The following VEPH1 variants were observed in gnomAD, a reference collection of about 807,000 sequenced individuals.
VEPH1 encodes the protein ventricular zone expressed PH domain containing 1, also known as ventricular zone-expressed PH domain-containing protein homolog 1.
Under a neutral mutation model 85.2 loss-of-function variants are expected in VEPH1, and 80 were observed. The observed-to-expected ratio is 0.94, with a 90% CI of 0.78 to 1.13. VEPH1 has a LOEUF of 1.13. Ranked by LOEUF, VEPH1 falls within the 50% of genes most tolerant of loss-of-function variation. The pLI is 0.00. For missense variants in VEPH1, 955 were observed against 980.5 expected, an observed-to-expected ratio of 0.97 and a Z score of 0.35; for synonymous variants, 297 against 348.0, an observed-to-expected ratio of 0.85 and a Z score of 1.63.
At chr3:157,281,345 A>G (rs1464475714) in intron 12 of VEPH1, among the ~76,000 whole-genome samples, 2 of 152,180 alleles carry the variant, frequency 1.3e-5, no homozygotes, top group African/African-American at 2.4e-5. Flanking sequence ...CTGAGGTTCA[A>G]TTTTACATAA....
intron 9 of VEPH1, among the ~76,000 whole-genome samples, chr3:157,317,611 G>T (rs1212470442): frequency 6.6e-6 from 1 of 152,204 alleles, no homozygotes; most frequent in African/African-American, 2.4e-5. Flanking sequence ...CTGTTCTCTT[G>T]GTTGTGCAGG....
intron 12 of VEPH1, 142 bp from the exon 13 acceptor site, chr3:157,265,804 C>T (rs79203359): frequency 2.5e-6 from 2 of 815,864 alleles, no homozygotes; most frequent in Non-Finnish European, 1.8e-6. Context: ...TTTGGTTAAC[C>T]TTTCCTCCTT....
At chr3:157,265,978 T>A in intron 12 of VEPH1, among the ~76,000 whole-genome samples, 1 of 150,754 alleles carries the variant, frequency 6.6e-6, no homozygotes, top group Non-Finnish European at 1.5e-5. Flanking sequence ...TGTTTCATAG[T>A]GTTCTGTTTC....
At chr3:157,477,612 G>T (rs1056284018) in intron 2 of VEPH1, among the ~76,000 whole-genome samples, 1 of 152,078 alleles carries the variant, frequency 6.6e-6, no homozygotes, top group African/African-American at 2.4e-5. Flanking sequence ...CCATGTTAAT[G>T]CCCATGAGAG....
At chr3:157,460,768 T>A (rs1186153237) in intron 3 of VEPH1, among the ~76,000 whole-genome samples, 2 of 152,170 alleles carry the variant, frequency 1.3e-5, no homozygotes, top group East Asian at 3.9e-4. Flanking sequence ...ATGCAGAGAC[T>A]GAGGTGAGGG....
chr3:157,500,976 C>G (rs374393746), intron 1 of VEPH1, among the ~76,000 whole-genome samples: 1 of 152,118 alleles, frequency 6.6e-6, no homozygotes, highest in African/African-American at 2.4e-5. Context: ...AAACATTTAA[C>G]ACAGAGCCTG....
At chr3:157,371,113 T>A (rs749511240) in intron 7 of VEPH1, among the ~76,000 whole-genome samples, 12 of 152,212 alleles carry the variant, frequency 7.9e-5, no homozygotes, top group Non-Finnish European at 1.5e-4. Context: ...GTGTTACCAA[T>A]CCTAGAAGAT....
rs377133116 is a variant in VEPH1 at position 157,287,098 on chromosome 3, C to T, written c.2011-424G>A. ...ATATCAAAAAATATTATTGGCCGGGCGTGGTGGGTCATGCCTGTAATCCCA... is the reference window on the plus strand; with the variant it reads ...ATATCAAAAAATATTATTGGCCGGGTGTGGTGGGTCATGCCTGTAATCCCA... On this transcript the variant is annotated intron_variant, in intron 11 of 13. Transcript: ENST00000362010. Among the ~76,000 whole-genome samples the T allele has an allele frequency of 4.6e-4, 70 of 152,206 alleles. No homozygotes were observed. In the East Asian group the frequency reaches 0.013, roughly 28 times the overall value.
At chr3:157,290,862 G>C (rs970729278) in intron 11 of VEPH1, among the ~76,000 whole-genome samples, 1 of 152,184 alleles carries the variant, frequency 6.6e-6, no homozygotes, top group Non-Finnish European at 1.5e-5. Flanking sequence ...TCTATAATAA[G>C]TCTAAGCCAG....
intron 7 of VEPH1, among the ~76,000 whole-genome samples, chr3:157,371,035 A>C (rs570812316): frequency 6.6e-6 from 1 of 152,246 alleles, no homozygotes; most frequent in Non-Finnish European, 1.5e-5. Context: ...AATTCAAGGC[A>C]TGGTAAAACC....
At chr3:157,343,882 TC>T (rs1402708237) in intron 9 of VEPH1, among the ~76,000 whole-genome samples, 1 of 152,024 alleles carries the variant, frequency 6.6e-6, no homozygotes, top group African/African-American at 2.4e-5. Flanking sequence ...CATACGCAAA[TC>T]AATAAATGTA....
At position 157,474,601 on chromosome 3, in the gene VEPH1, C is replaced by A. The variant is rs78714187; in HGVS notation, c.139-4072G>T. On this transcript the variant is annotated intron_variant, in intron 2 of 13. Transcript: ENST00000362010. ...AGAGTATACAGAAGTCCTTGATCATCGTCTGGGTCCAAACCATTTTATCAT... is the reference window on the plus strand; with the variant it reads ...AGAGTATACAGAAGTCCTTGATCATAGTCTGGGTCCAAACCATTTTATCAT... Among the ~76,000 whole-genome samples the A allele has an allele frequency of 4.9e-3, 743 of 152,182 alleles. 7 individuals are homozygous for A. Among genetic ancestry groups the A allele is most frequent in the African/African-American group, 0.017 (707 of 41,514 alleles).
At chr3:157,314,436 A>G (rs1170474765) in intron 10 of VEPH1, among the ~76,000 whole-genome samples, 3 of 151,428 alleles carry the variant, frequency 2.0e-5, no homozygotes, top group Admixed American at 6.6e-5. Context: ...AAATTATTTC[A>G]TAGTATTTTC....
chr3:157,296,312 T>C (rs1718135575), intron 11 of VEPH1, among the ~76,000 whole-genome samples: 1 of 152,254 alleles, frequency 6.6e-6, no homozygotes, highest in South Asian at 2.1e-4. Flanking sequence ...TATGAGCTAT[T>C]TCATAATTTG....
At chr3:157,370,335 T>C (rs1310634243) in intron 7 of VEPH1, among the ~76,000 whole-genome samples, 2 of 152,172 alleles carry the variant, frequency 1.3e-5, no homozygotes, top group Non-Finnish European at 2.9e-5. Context: ...AGAAAAATAA[T>C]ATTAGTTAAT....
chr3:157,393,632 T>C (rs1730090623), intron 6 of VEPH1, among the ~76,000 whole-genome samples: 1 of 152,166 alleles, frequency 6.6e-6, no homozygotes, highest in Non-Finnish European at 1.5e-5. Context: ...TTATGGAATA[T>C]ATGCTACATA....
chr3:157,459,842 G>T (rs904496310), intron 4 of VEPH1: 1 of 1,526,082 alleles, frequency 6.6e-7, no homozygotes, highest in Non-Finnish European at 8.8e-7. Context: ...ACTGAGTGAC[G>T]TGTTCCACTC....
chr3:157,409,321 C>T (rs2109014316), intron 6 of VEPH1, among the ~76,000 whole-genome samples: 1 of 152,212 alleles, frequency 6.6e-6, no homozygotes, highest in Non-Finnish European at 1.5e-5. Flanking sequence ...GAATTTACTT[C>T]AACTGAGCAT....
At chr3:157,384,479 TA>T (rs1430129784) in intron 6 of VEPH1, among the ~76,000 whole-genome samples, 1 of 152,212 alleles carries the variant, frequency 6.6e-6, no homozygotes, top group African/African-American at 2.4e-5. Flanking sequence ...GCTTATGCAA[TA>T]AGTGTCCCCA....
Sources: gnomAD v4.1 joint callset for allele counts (sites outside exome capture counted in the v4.1 genomes callset) on GRCh38, gnomAD v4.1.1 for gene constraint, MANE v1.5 for transcripts, NCBI Gene and HGNC (gene_info 2026-07-23, HGNC 2026-07-21) for gene names.